Variants in INVS observed in about 807,000 individuals in gnomAD.
INVS encodes inversin.
Under a neutral mutation model 108.8 loss-of-function variants are expected in INVS, and 86 were observed. The observed-to-expected ratio is 0.79, with a 90% CI of 0.66 to 0.95. The LOEUF is 0.95. Ranked by LOEUF, INVS falls within the 40% of genes least tolerant of loss-of-function variation. The probability of loss-of-function intolerance (pLI) is 0.00; values close to 1 mark genes in which losing one functional copy is unlikely to be tolerated. For missense variants in INVS, 1,169 were observed against 1,297.4 expected (o/e 0.90, Z 1.52); for synonymous variants, 455 against 473.5 (o/e 0.96, Z 0.51).
intron 3 of INVS, among the ~76,000 whole-genome samples, chr9:100,198,994 T>C (rs1830464785): frequency 6.6e-6 from 1 of 152,224 alleles, no homozygotes; most frequent in Non-Finnish European, 1.5e-5. Flanking sequence ...ATAGGAGTAA[T>C]GCTGTGTTCT....
intron 3 of INVS, among the ~76,000 whole-genome samples, chr9:100,204,768 T>C (rs899919543): frequency 6.6e-6 from 1 of 152,128 alleles, no homozygotes; most frequent in Non-Finnish European, 1.5e-5. Flanking sequence ...GTTTCTTTTT[T>C]ATATAAAATA....
rs531557020 is a variant in INVS at position 100,220,374 on chromosome 9, G to A, written c.274-5688G>A. ...ACAGGAAGATTTAGAGGAAAATTAT[G>A]ACCACCTAATGAAAAACGAAAAAAA... On this transcript the variant is annotated intron_variant, in intron 3 of 16. Transcript: ENST00000262457. Among the ~76,000 whole-genome samples, 8 of 152,058 alleles carry A rather than the reference G, an allele frequency of 5.3e-5. No homozygotes were observed. The East Asian group carries it at 1.4e-3, about 26-fold the overall frequency.
At chr9:100,176,508 G>A (rs766710647) in intron 3 of INVS, among the ~76,000 whole-genome samples, 6 of 151,954 alleles carry the variant, frequency 3.9e-5, no homozygotes, top group African/African-American at 1.2e-4. Context: ...ACGGAGTCTC[G>A]CACTGCTGCC....
At chr9:100,200,801 C>G (rs1184343224) in intron 3 of INVS, among the ~76,000 whole-genome samples, 2 of 152,172 alleles carry the variant, frequency 1.3e-5, no homozygotes, top group African/African-American at 4.8e-5. Flanking sequence ...GGGGCTTCCC[C>G]TTTTTGGCTC....
intron 3 of INVS, among the ~76,000 whole-genome samples, chr9:100,137,992 G>A (rs1416727473): frequency 6.6e-6 from 1 of 152,172 alleles, no homozygotes; most frequent in Non-Finnish European, 1.5e-5. Flanking sequence ...AACTTTAAAA[G>A]ACTGAGAGTC....
In INVS at chr9:100,240,304, T is replaced by G. The variant is rs553040852; in HGVS notation, c.796+64T>G. Reference sequence around the variant, plus strand: ...TGAGTATAGGAATATTTCTGTGCCTTCCCTTCCACTGTTTACTCCCAACTC... The same window carrying G: ...TGAGTATAGGAATATTTCTGTGCCTGCCCTTCCACTGTTTACTCCCAACTC... On this transcript the variant is annotated intron_variant, in intron 6 of 16. Transcript: ENST00000262457. 2.1e-4 allele frequency: 261 copies of G among 1,247,690 alleles called. 9 individuals are homozygous for G. The South Asian group carries it at 3.1e-3, about 15-fold the overall frequency. 77.3% of individuals were successfully genotyped at this position (1,247,690 alleles called of 1,614,324 possible).
intron 3 of INVS, among the ~76,000 whole-genome samples, chr9:100,181,445 A>G (rs1051068114): frequency 3.3e-5 from 5 of 152,198 alleles, no homozygotes; most frequent in Middle Eastern, 3.2e-3. Flanking sequence ...ATCAATGTGC[A>G]AAACTCCCAA....
intron 3 of INVS, among the ~76,000 whole-genome samples, chr9:100,157,322 T>C (rs1829026446): frequency 6.7e-6 from 1 of 149,908 alleles, no homozygotes; most frequent in Non-Finnish European, 1.5e-5. Flanking sequence ...TGGAGTGCAG[T>C]GGCACAATCT....
chr9:100,261,776 T>G (rs1246531396), intron 10 of INVS, among the ~76,000 whole-genome samples: 1 of 152,244 alleles, frequency 6.6e-6, no homozygotes, highest in Admixed American at 6.5e-5. Context: ...ATTTCTTTGC[T>G]GTGCCATATT....
At chr9:100,256,854 G>A (rs1832436739) in intron 10 of INVS, among the ~76,000 whole-genome samples, 1 of 152,208 alleles carries the variant, frequency 6.6e-6, no homozygotes, top group South Asian at 2.1e-4. Context: ...TGGAATAAGT[G>A]CAATGTGGTA....
chr9:100,188,661 A>T (rs1588074733), intron 3 of INVS, among the ~76,000 whole-genome samples: 1 of 140,580 alleles, frequency 7.1e-6, no homozygotes. Context: ...TGTCCGTTAG[A>T]TCCTTTCCTG....
At chr9:100,160,821 G>C (rs1829146334) in intron 3 of INVS, among the ~76,000 whole-genome samples, 2 of 152,028 alleles carry the variant, frequency 1.3e-5, no homozygotes, top group Non-Finnish European at 2.9e-5. Context: ...CGGGCATGGT[G>C]GTGGGCACCT....
intron 3 of INVS, among the ~76,000 whole-genome samples, chr9:100,218,994 A>T (rs1011633016): frequency 3.9e-5 from 6 of 152,240 alleles, no homozygotes; most frequent in African/African-American, 1.4e-4. Flanking sequence ...AACAAAAATG[A>T]ACCTGCAGAC....
At chr9:100,156,425 T>C (rs1364039970) in intron 3 of INVS, among the ~76,000 whole-genome samples, 1 of 151,876 alleles carries the variant, frequency 6.6e-6, no homozygotes, top group Non-Finnish European at 1.5e-5. Flanking sequence ...TGCACCTGGC[T>C]ATTTTTTTTG....
chr9:100,250,439 T>C (rs1370592006), intron 8 of INVS, among the ~76,000 whole-genome samples: 1 of 152,212 alleles, frequency 6.6e-6, no homozygotes, highest in Non-Finnish European at 1.5e-5. Flanking sequence ...GCACTTCAGA[T>C]ATTTGAAGTT....
intron 3 of INVS, among the ~76,000 whole-genome samples, chr9:100,153,339 T>A (rs889450481): frequency 2.0e-5 from 3 of 151,118 alleles, no homozygotes; most frequent in African/African-American, 7.3e-5. Flanking sequence ...TCCTCATATA[T>A]AAGGTGGAGA....
chr9:100,231,818 G>A (rs1831523144), intron 5 of INVS, among the ~76,000 whole-genome samples: 1 of 152,020 alleles, frequency 6.6e-6, no homozygotes. Flanking sequence ...AAACATATGT[G>A]TGCATGTGTC....
chr9:100,156,119 T>C (rs1329940323), intron 3 of INVS, among the ~76,000 whole-genome samples: 1 of 152,098 alleles, frequency 6.6e-6, no homozygotes, highest in Non-Finnish European at 1.5e-5. Flanking sequence ...GCAAGATATC[T>C]AACAAAGCCT....
intron 3 of INVS, among the ~76,000 whole-genome samples, chr9:100,165,815 C>T (rs1829345629): frequency 6.6e-6 from 1 of 152,058 alleles, no homozygotes; most frequent in South Asian, 2.1e-4. Context: ...TCTGCTATGT[C>T]CAAATATTCC....
Sources: gnomAD v4.1 joint callset for allele counts (sites outside exome capture counted in the v4.1 genomes callset) on GRCh38, gnomAD v4.1.1 for gene constraint, MANE v1.5 for transcripts, NCBI Gene and HGNC (gene_info 2026-07-23, HGNC 2026-07-21) for gene names.